Variants in NDFIP2 observed in about 807,000 individuals in gnomAD.
The protein encoded by NDFIP2 is NEDD4 family-interacting protein 2.
In NDFIP2, 19 loss-of-function variants were observed where a neutral mutation model predicts 36.0. The ratio of observed to expected loss-of-function variants is 0.53; its 90% CI spans 0.37 to 0.77. The LOEUF (loss-of-function observed/expected upper bound fraction) is 0.77, where lower values mean the gene tolerates loss of function less well. Among genes scored for constraint, NDFIP2 ranks in the 30% least tolerant of loss-of-function variants. The pLI is 0.00. For missense variants in NDFIP2, 446 were observed against 435.8 expected (o/e 1.02, Z -0.21); for synonymous variants, 181 against 167.7 (o/e 1.08, Z -0.61).
rs1289261331 is a variant in NDFIP2 at position 79,511,656 on chromosome 13, A to T, written c.322-9154A>T. Among the ~76,000 whole-genome samples, 5 of 152,022 alleles carry T rather than the reference A, an allele frequency of 3.3e-5. No homozygotes were observed. In the South Asian group the frequency reaches 1.0e-3, roughly 32 times the overall value. On this transcript the variant is annotated intron_variant, in intron 1 of 7. Transcript: ENST00000218652. Reference sequence around the variant, plus strand: ...AAGCTCCCATTTCCATGAGGGAAAAACTCTAGGAGGCCTAGAGGACAGTAT... The same window carrying T: ...AAGCTCCCATTTCCATGAGGGAAAATCTCTAGGAGGCCTAGAGGACAGTAT...
chr13:79,481,556 C>CTGCCTCCCGA (rs1395456925), intron 1 of NDFIP2, 32 bp downstream of exon 1: 10 of 1,520,164 alleles, frequency 6.6e-6, no homozygotes, highest in Non-Finnish European at 8.8e-6. Flanking sequence ...CCTCCCGGGA[C>CTGCCTCCCGA]TGCCTCCCGC....
chr13:79,527,943 A>G (rs1316730815), intron 2 of NDFIP2, among the ~76,000 whole-genome samples: 1 of 152,090 alleles, frequency 6.6e-6, no homozygotes, highest in African/African-American at 2.4e-5. Context: ...GGCCTAAGCT[A>G]GTGTGCGTGT....
intron 1 of NDFIP2, among the ~76,000 whole-genome samples, chr13:79,503,016 C>G (rs969968343): frequency 4.0e-5 from 6 of 151,802 alleles, no homozygotes; most frequent in African/African-American, 1.5e-4. Flanking sequence ...GAGGCAAGAT[C>G]TTCTCTGTAC....
intron 2 of NDFIP2, among the ~76,000 whole-genome samples, chr13:79,528,555 C>T (rs1202095945): frequency 1.3e-5 from 2 of 152,170 alleles, no homozygotes; most frequent in Non-Finnish European, 1.5e-5. Context: ...GTCACTCACT[C>T]ACTGACTCAC....
At chr13:79,487,081 A>G (rs1481546922) in intron 1 of NDFIP2, among the ~76,000 whole-genome samples, 5 of 152,142 alleles carry the variant, frequency 3.3e-5, no homozygotes, top group Non-Finnish European at 2.9e-5. Context: ...TTCAACATAT[A>G]CATTTTGGAG....
intron 2 of NDFIP2, among the ~76,000 whole-genome samples, chr13:79,525,192 A>G (rs1874743324): frequency 6.6e-6 from 1 of 152,228 alleles, no homozygotes; most frequent in African/African-American, 2.4e-5. Flanking sequence ...GTATAGGCTC[A>G]GTGCCTTCTG....
chr13:79,531,261 G>A (rs184195751), intron 2 of NDFIP2, among the ~76,000 whole-genome samples: 224 of 152,268 alleles, frequency 1.5e-3, no homozygotes, highest in Non-Finnish European at 2.7e-3. Context: ...CTATAAACAG[G>A]TGTGCTGTCA....
rs763152752 is a variant in NDFIP2 at position 79,551,129 on chromosome 13, A to C, written c.*2+7A>C. ...ATTTCTTCTTATTGTAGAGGTAAGAAATATTAATCTGTGAACTCTGCCTAT... is the reference window on the plus strand; with the variant it reads ...ATTTCTTCTTATTGTAGAGGTAAGACATATTAATCTGTGAACTCTGCCTAT... On this transcript the variant is annotated splice_region_variant and intron_variant, in intron 7 of 7. Coordinates refer to ENST00000218652, the MANE Select transcript of NDFIP2 (RefSeq NM_019080.3). The C allele has an allele frequency of 1.9e-6, 3 of 1,545,126 alleles. No individual in the cohort carries two copies. Among genetic ancestry groups the C allele is most frequent in the Non-Finnish European group, 2.7e-6 (3 of 1,131,226 alleles).
intron 1 of NDFIP2, among the ~76,000 whole-genome samples, chr13:79,512,364 G>A (rs1874109623): frequency 6.6e-6 from 1 of 151,932 alleles, no homozygotes; most frequent in Admixed American, 6.6e-5. Context: ...AAAATGCATC[G>A]AAGCAGCTTT....
chr13:79,501,935 T>C (rs1873683341), intron 1 of NDFIP2, among the ~76,000 whole-genome samples: 1 of 152,114 alleles, frequency 6.6e-6, no homozygotes, highest in African/African-American at 2.4e-5. Flanking sequence ...TTTATTCCTC[T>C]TGCTGAAGTC....
intron 5 of NDFIP2, 27 bp from the exon 6 acceptor site, chr13:79,548,301 G>A: frequency 6.8e-7 from 1 of 1,466,632 alleles, no homozygotes; most frequent in Non-Finnish European, 9.4e-7. Context: ...TATGAATTCG[G>A]TTAATATATT....
At chr13:79,535,011 A>C (rs551358404) in intron 3 of NDFIP2, among the ~76,000 whole-genome samples, 1 of 152,342 alleles carries the variant, frequency 6.6e-6, no homozygotes, top group Admixed American at 6.5e-5. Flanking sequence ...GGAGGAAAGT[A>C]AGTCTCTTAA....
Position 79,548,391 on chromosome 13 carries a change from C to A in NDFIP2, c.904C>A (p.Leu302Ile). 1 of 1,580,828 alleles carries A rather than the reference C, an allele frequency of 6.3e-7. No individual in the cohort carries two copies. The highest frequency in any genetic ancestry group is 8.6e-7 in the Non-Finnish European group (1 of 1,157,498). ...QYWLWWIFLV[L>I]GLLLFFRGFV... Reference sequence around the variant, plus strand: ...TTGGCTTTGGTGGATATTTCTTGTACTTGGTAAGTTTATTCTTAATGCATT... The same window carrying A: ...TTGGCTTTGGTGGATATTTCTTGTAATTGGTAAGTTTATTCTTAATGCATT... The change falls in exon 6 of 8, where the codon CTT (leucine) becomes ATT (isoleucine). Residue 302 changes from leucine (L) to isoleucine (I), a missense_variant. Coordinates refer to ENST00000218652, the MANE Select transcript of NDFIP2 (RefSeq NM_019080.3).
At chr13:79,546,330 T>G (rs912020340) in intron 5 of NDFIP2, among the ~76,000 whole-genome samples, 6 of 152,200 alleles carry the variant, frequency 3.9e-5, no homozygotes, top group African/African-American at 1.2e-4. Context: ...ACTACTTCTA[T>G]CTAAGGTTTT....
chr13:79,526,452 G>A (rs1472402904), intron 2 of NDFIP2, among the ~76,000 whole-genome samples: 1 of 152,238 alleles, frequency 6.6e-6, no homozygotes, highest in African/African-American at 2.4e-5. Flanking sequence ...GAATGAAATA[G>A]CAAGGAAGAG....
chr13:79,521,981 C>T (rs1469168781), intron 2 of NDFIP2, among the ~76,000 whole-genome samples: 13 of 151,942 alleles, frequency 8.6e-5, no homozygotes, highest in Admixed American at 3.9e-4. Context: ...CCCACGACCA[C>T]GCCTGGCTAA....
intron 4 of NDFIP2, among the ~76,000 whole-genome samples, chr13:79,540,741 T>C (rs1875422653): frequency 6.6e-6 from 1 of 152,202 alleles, no homozygotes; most frequent in African/African-American, 2.4e-5. Context: ...TTGAAATGGT[T>C]TCTTGCTTCC....
chr13:79,495,814 G>A (rs1873414345), intron 1 of NDFIP2, among the ~76,000 whole-genome samples: 1 of 151,774 alleles, frequency 6.6e-6, no homozygotes, highest in Non-Finnish European at 1.5e-5. Flanking sequence ...TATGAAAAAA[G>A]TTTTAGTGTC....
intron 5 of NDFIP2, among the ~76,000 whole-genome samples, chr13:79,546,020 G>A (rs73553447): frequency 0.068 from 10,304 of 152,202 alleles, 724 homozygotes; most frequent in African/African-American, 0.18. Context: ...GAGCCACCGC[G>A]CCAGGCCAGT....
Sources: allele counts gnomAD v4.1 joint callset (sites outside exome capture counted in the v4.1 genomes callset), GRCh38; gene constraint gnomAD v4.1.1; transcripts MANE v1.5; gene names NCBI Gene and HGNC (gene_info 2026-07-23, HGNC 2026-07-21).